The following RBFOX1 variants were observed in gnomAD, a reference collection of about 807,000 sequenced individuals.
RBFOX1 encodes RNA binding fox-1 homolog 1, also known as RNA binding protein fox-1 homolog 1.
In RBFOX1, 8 loss-of-function variants were observed where a neutral mutation model predicts 57.7. The ratio of observed to expected loss-of-function variants is 0.14; its 90% CI spans 0.08 to 0.25. The LOEUF is 0.25. RBFOX1 is among the 10% of genes least tolerant of loss of function. The pLI is 1.00. For missense variants in RBFOX1, 611 were observed against 548.5 expected (o/e 1.11, Z -1.14); for synonymous variants, 326 against 222.4 (o/e 1.47, Z -4.15).
intron 1 of RBFOX1, among the ~76,000 whole-genome samples, chr16:5,347,805 C>A: frequency 6.7e-6 from 1 of 150,206 alleles, no homozygotes; most frequent in Non-Finnish European, 1.5e-5. Flanking sequence ...CACCCTTCCA[C>A]TTAATCATGC....
chr16:6,889,055 A>G (rs988624636), intron 3 of RBFOX1, among the ~76,000 whole-genome samples: 2 of 152,108 alleles, frequency 1.3e-5, no homozygotes, highest in Admixed American at 1.3e-4. Context: ...ATTTGATTGT[A>G]TTTTTTCCCT....
chr16:7,150,229 C>T lies in RBFOX1; in HGVS notation c.27+98131C>T, dbSNP rs150253111. ...TTTTATTTACCTATTGGCTGGCAAC[C>T]ATTTAAATGTAAGAGGTAAAAGAGA... On this transcript the variant is annotated intron_variant, in intron 4 of 15. Transcript: ENST00000550418. 3.2e-3 allele frequency among the ~76,000 whole-genome samples: 485 copies of T among 152,282 alleles called. 5 individuals are homozygous for T. The highest frequency in any genetic ancestry group is 0.011 in the African/African-American group (455 of 41,566).
Position 6,654,585 on chromosome 16 carries a change from C to A in RBFOX1, c.-63-18C>A. On this transcript the variant is annotated intron_variant, in intron 2 of 15. Coordinates refer to ENST00000550418, the MANE Select transcript of RBFOX1 (RefSeq NM_018723.4). ...CCTGTTCTTTCTCTCACTTTCCTTTCTTTTCTTCTCTTCTCAGGATATCAA... is the reference window on the plus strand; with the variant it reads ...CCTGTTCTTTCTCTCACTTTCCTTTATTTTCTTCTCTTCTCAGGATATCAA... 1 of 1,501,398 alleles carries A rather than the reference C, an allele frequency of 6.7e-7. No individual in the cohort carries two copies. Among genetic ancestry groups the A allele is most frequent in the African/African-American group, 1.4e-5 (1 of 70,896 alleles). The allele number at this position is 1,501,398 out of a possible 1,614,324, so 93.0% of individuals were successfully genotyped here.
At chr16:6,063,969 A>T (rs1341958722) in intron 1 of RBFOX1, among the ~76,000 whole-genome samples, 1 of 152,204 alleles carries the variant, frequency 6.6e-6, no homozygotes, top group Non-Finnish European at 1.5e-5. Flanking sequence ...ATTTAACCAC[A>T]TGATTATATC....
rs2091278076 is a variant in RBFOX1 at position 6,990,681 on chromosome 16, G to C, written c.-15-61376G>C. ...CTTTCAAAGGCAAAAGCCGTGATCAGTTTTGCACCGACCTAATAGTTGTGA... is the reference window on the plus strand; with the variant it reads ...CTTTCAAAGGCAAAAGCCGTGATCACTTTTGCACCGACCTAATAGTTGTGA... On this transcript the variant is annotated intron_variant, in intron 3 of 15. Transcript: ENST00000550418. 2.0e-5 allele frequency among the ~76,000 whole-genome samples: 3 copies of C among 152,120 alleles called. No homozygotes were observed. In the South Asian group the frequency reaches 6.2e-4, roughly 32 times the overall value.
intron 3 of RBFOX1, among the ~76,000 whole-genome samples, chr16:7,007,582 C>A (rs1192351943): frequency 6.6e-6 from 1 of 152,192 alleles, no homozygotes; most frequent in Non-Finnish European, 1.5e-5. Context: ...GTTAAACACC[C>A]TCCCATCCTC....
intron 3 of RBFOX1, among the ~76,000 whole-genome samples, chr16:6,758,861 A>G (rs1439386034): frequency 2.0e-5 from 3 of 152,174 alleles, no homozygotes; most frequent in Admixed American, 1.3e-4. Context: ...TAATTAGATA[A>G]GAAACCTCAT....
intron 3 of RBFOX1, among the ~76,000 whole-genome samples, chr16:5,675,185 T>G (rs956957556): frequency 6.6e-6 from 1 of 151,986 alleles, no homozygotes; most frequent in Non-Finnish European, 1.5e-5. Flanking sequence ...ATACACTGTA[T>G]ATATACATCC....
At chr16:6,253,226 C>T (rs1162671777) in intron 1 of RBFOX1, among the ~76,000 whole-genome samples, 1 of 152,128 alleles carries the variant, frequency 6.6e-6, no homozygotes, top group Non-Finnish European at 1.5e-5. Context: ...GGGATTTCGA[C>T]AAAAAGGTTG....
At chr16:6,641,734 C>CAAAAAAAAAAAAAAAA (rs869202831) in intron 2 of RBFOX1, among the ~76,000 whole-genome samples, 4 of 68,974 alleles carry the variant, frequency 5.8e-5, no homozygotes, top group African/African-American at 2.5e-4. Context: ...GACTCCGTCT[C>CAAAAAAAAAAAAAAAA]AAAAAAAAAA....
chr16:6,281,101 G>C (rs1326934787), intron 1 of RBFOX1, among the ~76,000 whole-genome samples: 1 of 152,058 alleles, frequency 6.6e-6, no homozygotes, highest in African/African-American at 2.4e-5. Context: ...TCTATGTCCA[G>C]TGGAAAGAGC....
intron 4 of RBFOX1, among the ~76,000 whole-genome samples, chr16:7,381,643 T>C (rs953928922): frequency 2.6e-5 from 4 of 152,224 alleles, no homozygotes; most frequent in Admixed American, 6.5e-5. Flanking sequence ...TTATTATTTT[T>C]CATATTTTAT....
intron 3 of RBFOX1, among the ~76,000 whole-genome samples, chr16:6,877,497 C>A (rs183026963): frequency 5.3e-5 from 8 of 152,278 alleles, no homozygotes; most frequent in African/African-American, 1.7e-4. Context: ...TGCCTACTTA[C>A]TGTGGCCGAA....
chr16:7,479,241 A>G (rs1398603788), intron 4 of RBFOX1, among the ~76,000 whole-genome samples: 2 of 151,690 alleles, frequency 1.3e-5, no homozygotes, highest in African/African-American at 2.4e-5. Flanking sequence ...CTCCTGCCTC[A>G]GCCTCCCGAG....
At chr16:7,451,654 C>G (rs752163221) in intron 4 of RBFOX1, among the ~76,000 whole-genome samples, 2 of 152,152 alleles carry the variant, frequency 1.3e-5, no homozygotes, top group Non-Finnish European at 2.9e-5. Context: ...ACCTACCTGT[C>G]TTTAAATGAG....
intron 1 of RBFOX1, chr16:6,037,971 G>A (rs1198556569): frequency 6.6e-6 from 1 of 152,016 alleles, no homozygotes; most frequent in Non-Finnish European, 1.5e-5. Context: ...CCATTGTGAG[G>A]ACTCTTTAGG....
chr16:6,972,671 C>T (rs1298710657), intron 3 of RBFOX1, among the ~76,000 whole-genome samples: 3 of 151,998 alleles, frequency 2.0e-5, no homozygotes, highest in Non-Finnish European at 4.4e-5. Flanking sequence ...GGACAGACAA[C>T]CTGAGTGGAG....
chr16:5,942,539 G>A lies in RBFOX1; in HGVS notation c.351+75204G>A, dbSNP rs374722512. Among the ~76,000 whole-genome samples the A allele has an allele frequency of 7.2e-5, 11 of 152,306 alleles. No individual in the cohort carries two copies. The East Asian group carries it at 1.4e-3, about 19-fold the overall frequency. ...TAATCTTGTGATCTCCAGAACAGTG[G>A]CTGGTTATCGTTTAATTATGCCTAC... On this transcript the variant is annotated intron_variant, in intron 4 of 19. Transcript: ENST00000641259.
chr16:6,959,686 C>G (rs2082563240), intron 3 of RBFOX1, among the ~76,000 whole-genome samples: 1 of 152,208 alleles, frequency 6.6e-6, no homozygotes, highest in Middle Eastern at 3.4e-3. Context: ...TCTGTAATCT[C>G]TAAACTTGGG....
Sources: allele counts gnomAD v4.1 joint callset (sites outside exome capture counted in the v4.1 genomes callset), GRCh38; gene constraint gnomAD v4.1.1; transcripts MANE v1.5; gene names NCBI Gene and HGNC (gene_info 2026-07-23, HGNC 2026-07-21).